The following BCAS3 variants were observed in gnomAD, a reference collection of about 807,000 sequenced individuals.
BCAS3 encodes BCAS4/BCAS3 fusion.
Under a neutral mutation model 116.1 loss-of-function variants are expected in BCAS3, and 53 were observed. The observed-to-expected ratio is 0.46, with a 90% CI of 0.37 to 0.57. BCAS3 has a LOEUF of 0.57. Among genes scored for constraint, BCAS3 ranks in the 20% least tolerant of loss-of-function variants. BCAS3 has a pLI of 0.00. For missense variants in BCAS3, 917 were observed against 1,165.4 expected, an observed-to-expected ratio of 0.79 and a Z score of 3.10; for synonymous variants, 391 against 408.2, an observed-to-expected ratio of 0.96 and a Z score of 0.51.
chr17:61,329,410 G>C (rs371442088), intron 22 of BCAS3, among the ~76,000 whole-genome samples: 4 of 146,098 alleles, frequency 2.7e-5, no homozygotes, highest in Non-Finnish European at 4.5e-5. Context: ...GCGCGATCTC[G>C]GCTCACTGCA....
At chr17:60,891,637 C>G in intron 10 of BCAS3, 1 of 453,232 alleles carries the variant, frequency 2.2e-6, no homozygotes, top group Non-Finnish European at 4.4e-6. Flanking sequence ...ACTATAAAAT[C>G]TTAAGAAGCC....
At position 61,252,072 on chromosome 17, in the gene BCAS3, A is replaced by G. The variant is rs776117767; in HGVS notation, c.2426-116255A>G. 2.4e-4 allele frequency among the ~76,000 whole-genome samples: 37 copies of G among 152,262 alleles called. 1 individual carries two copies. The highest frequency in any genetic ancestry group is 2.8e-4 in the Non-Finnish European group (19 of 68,040). ...TTATAACACGAAGTACTAAAAGTATATGCACTCTTAAAAGGCAATTAAAAC... is the reference window on the plus strand; with the variant it reads ...TTATAACACGAAGTACTAAAAGTATGTGCACTCTTAAAAGGCAATTAAAAC... On this transcript the variant is annotated intron_variant, in intron 22 of 23. Transcript: ENST00000407086.
rs542596990 is a variant in BCAS3 at position 61,235,625 on chromosome 17, G to T, written c.2426-132702G>T. On this transcript the variant is annotated intron_variant, in intron 22 of 23. Transcript: ENST00000407086. The surrounding 1 kb of genome is among the most constrained non-coding windows in gnomAD (Gnocchi z 5.0). ...CGTTAGTGCTACCTCTTTCTAAACA[G>T]CGCCAGCCATGAAGCTTTTGACCTT... is the stretch of plus-strand genomic sequence containing the variant. Among the ~76,000 whole-genome samples the T allele has an allele frequency of 6.4e-4, 97 of 151,842 alleles. No individual in the cohort carries two copies. The highest frequency in any genetic ancestry group is 1.6e-3 in the Admixed American group (24 of 15,266).
At chr17:60,691,830 A>G (rs1479469129) in intron 4 of BCAS3, among the ~76,000 whole-genome samples, 4 of 152,066 alleles carry the variant, frequency 2.6e-5, no homozygotes, top group African/African-American at 9.7e-5. Flanking sequence ...TTCAAATAAT[A>G]ACAATTTGTT....
At chr17:60,942,533 T>C (rs1410030762) in intron 13 of BCAS3, among the ~76,000 whole-genome samples, 5 of 152,180 alleles carry the variant, frequency 3.3e-5, no homozygotes, top group African/African-American at 7.2e-5. Context: ...GCTAGACATA[T>C]AATGAGAGGT....
intron 14 of BCAS3, among the ~76,000 whole-genome samples, chr17:60,948,876 CTT>C (rs773939823): frequency 3.5e-5 from 5 of 144,140 alleles, no homozygotes; most frequent in Admixed American, 6.9e-5. Flanking sequence ...TTGAAATATT[CTT>C]TTTTTTTTTT....
At chr17:60,698,307 G>A (rs922510871) in intron 4 of BCAS3, among the ~76,000 whole-genome samples, 2 of 151,880 alleles carry the variant, frequency 1.3e-5, no homozygotes, top group Non-Finnish European at 2.9e-5. Flanking sequence ...ATAACTTTGA[G>A]GAATAATATA....
Position 61,226,849 on chromosome 17 carries a change from A to AG in BCAS3, c.2426-141477dup, listed in dbSNP as rs2082396346. Among the ~76,000 whole-genome samples, 1 of 152,220 alleles carries AG rather than the reference A, an allele frequency of 6.6e-6. No homozygotes were observed. Among genetic ancestry groups the AG allele is most frequent in the Admixed American group, 6.5e-5 (1 of 15,280 alleles). Reference sequence around the variant, plus strand: ...CGTATTAGGGAACTGAGCTTCAGAGAGAACCACATTTGTTCTGACTGCTGT... The same window carrying AG: ...CGTATTAGGGAACTGAGCTTCAGAGAGGAACCACATTTGTTCTGACTGCTGT... On this transcript the variant is annotated intron_variant, in intron 22 of 23. Transcript: ENST00000407086. This position sits in a 1 kb window ranked among gnomAD's most constrained non-coding sequence, Gnocchi z 6.0.
chr17:60,906,066 C>G (rs1325002051), intron 11 of BCAS3, among the ~76,000 whole-genome samples: 1 of 152,202 alleles, frequency 6.6e-6, no homozygotes, highest in Non-Finnish European at 1.5e-5. Flanking sequence ...CTGGCATTCA[C>G]CTATGCAAGC....
At chr17:61,043,724 T>C (rs2067741867) in intron 19 of BCAS3, among the ~76,000 whole-genome samples, 1 of 152,030 alleles carries the variant, frequency 6.6e-6, no homozygotes, top group Admixed American at 6.6e-5. Flanking sequence ...GGTCCTGCCT[T>C]GCACCCTGAG....
At chr17:60,688,756 C>T (rs977298264) in intron 3 of BCAS3, among the ~76,000 whole-genome samples, 1 of 148,140 alleles carries the variant, frequency 6.8e-6, no homozygotes, top group African/African-American at 2.5e-5. Flanking sequence ...GTGGAGGGTA[C>T]AGTGAGCCAA....
At chr17:61,070,366 AATATAT>A (rs55736464) in intron 19 of BCAS3, 5,538 of 313,902 alleles carry the variant, frequency 0.018, 329 homozygotes, top group African/African-American at 0.085. Context: ...CCTAATTCTG[AATATAT>A]ATATATATAT....
At chr17:60,898,207 A>C (rs977163724) in intron 10 of BCAS3, among the ~76,000 whole-genome samples, 2 of 152,058 alleles carry the variant, frequency 1.3e-5, no homozygotes, top group African/African-American at 4.8e-5. Flanking sequence ...GCTCTCATAA[A>C]TTTCTTTTTG....
chr17:61,382,181 A>G (rs913006195), intron 23 of BCAS3, among the ~76,000 whole-genome samples: 3 of 151,658 alleles, frequency 2.0e-5, no homozygotes, highest in Non-Finnish European at 4.4e-5. Context: ...TACAAAAATT[A>G]GCCAGACATG....
chr17:61,176,164 AAAAG>A (rs1354942681), intron 22 of BCAS3, among the ~76,000 whole-genome samples: 1 of 149,630 alleles, frequency 6.7e-6, no homozygotes, highest in African/African-American at 2.4e-5. Flanking sequence ...AAAAAAAAGA[AAAAG>A]AAAAAGAAAA....
At position 61,213,165 on chromosome 17, in the gene BCAS3, GTTTGTTT is replaced by G. The variant is rs1038924008; in HGVS notation, c.2425+128617_2425+128623del. 2.0e-5 allele frequency among the ~76,000 whole-genome samples: 3 copies of G among 151,814 alleles called. No individual in the cohort carries two copies. Among genetic ancestry groups the G allele is most frequent in the African/African-American group, 4.8e-5 (2 of 41,320 alleles). Reference sequence around the variant, plus strand: ...GTTATATATATATTTTTGTTTGTTTGTTTGTTTTTTGTTTTTTGTTTTGAGATTGAGT... The same window carrying G: ...GTTATATATATATTTTTGTTTGTTTGTTTGTTTTTTGTTTTGAGATTGAGT... On this transcript the variant is annotated intron_variant, in intron 22 of 23. Transcript: ENST00000407086. The surrounding 1 kb of genome is among the most constrained non-coding windows in gnomAD (Gnocchi z 5.4).
chr17:61,259,247 G>A lies in BCAS3; in HGVS notation c.2426-109080G>A, dbSNP rs995838361. The stretch of plus-strand genomic sequence containing the variant: ...TTTTTATTTTGAAAGAGCATGGGGA[G>A]TGTAAGCAGAGCTCACAGAACTAAT... On this transcript the variant is annotated intron_variant, in intron 22 of 23. Transcript: ENST00000407086. This position sits in a 1 kb window ranked among gnomAD's most constrained non-coding sequence, Gnocchi z 4.7. Among the ~76,000 whole-genome samples the A allele has an allele frequency of 6.6e-6, 1 of 152,200 alleles. No homozygotes were observed. Among genetic ancestry groups the A allele is most frequent in the Admixed American group, 6.5e-5 (1 of 15,274 alleles).
rs2047535989 is a variant in BCAS3 at position 61,241,705 on chromosome 17, G to GGAGA, written c.2426-126621_2426-126618dup. 6.6e-6 allele frequency among the ~76,000 whole-genome samples: 1 copy of GGAGA among 151,832 alleles called. No homozygotes were observed. Among genetic ancestry groups the GGAGA allele is most frequent in the East Asian group, 1.9e-4 (1 of 5,142 alleles). ...GTGCACTCCAGCCTGGGCAACAGAGGGAGACTCCATCTCAAAAAATAATAA... is the reference window on the plus strand; with the variant it reads ...GTGCACTCCAGCCTGGGCAACAGAGGGAGAGAGACTCCATCTCAAAAAATAATAA... On this transcript the variant is annotated intron_variant, in intron 22 of 23. Coordinates refer to ENST00000407086, the MANE Select transcript of BCAS3 (RefSeq NM_017679.5). The surrounding 1 kb of genome is among the most constrained non-coding windows in gnomAD (Gnocchi z 4.6).
rs1229790589 is a variant in BCAS3 at position 61,034,212 on chromosome 17, C to A, written c.1638-454C>A. ...TCCATGCTGTCTAAATTCATTTATA[C>A]TGTTAATCCCACATCTTATAGATTG... On this transcript the variant is annotated intron_variant, in intron 16 of 23. Coordinates refer to ENST00000407086, the MANE Select transcript of BCAS3 (RefSeq NM_017679.5). The surrounding 1 kb of genome is among the most constrained non-coding windows in gnomAD (Gnocchi z 5.0). Among the ~76,000 whole-genome samples the A allele has an allele frequency of 6.6e-6, 1 of 152,216 alleles. No homozygotes were observed. Among genetic ancestry groups the A allele is most frequent in the African/African-American group, 2.4e-5 (1 of 41,458 alleles).
Sources: allele counts gnomAD v4.1 joint callset (sites outside exome capture counted in the v4.1 genomes callset), GRCh38; gene constraint gnomAD v4.1.1; non-coding constraint Gnocchi (gnomAD v3.1); transcripts MANE v1.5; gene names NCBI Gene and HGNC (gene_info 2026-07-23, HGNC 2026-07-21).